The following FBXO34 variants were observed in gnomAD, a reference collection of about 807,000 sequenced individuals.
FBXO34 encodes F-box only protein 34.
In FBXO34, 12 loss-of-function variants were observed where a neutral mutation model predicts 24.5. That is an observed-to-expected ratio of 0.49 (90% CI 0.31 to 0.79). The LOEUF is 0.79. Among genes scored for constraint, FBXO34 ranks in the 30% least tolerant of loss-of-function variants. The pLI is 0.04. For synonymous variants in FBXO34, 320 were observed against 311.9 expected, an observed-to-expected ratio of 1.03 and a Z score of -0.27; for missense variants, 823 against 857.7, an observed-to-expected ratio of 0.96 and a Z score of 0.51.
At chr14:55,390,322 C>T in the FBXO34 span, among the ~76,000 whole-genome samples, 5 of 152,230 alleles carry the variant, frequency 3.3e-5, no homozygotes, top group South Asian at 2.1e-4. Flanking sequence ...CCACTCCCCT[C>T]GGCCTCCCAA....
intron 1 of FBXO34, among the ~76,000 whole-genome samples, chr14:55,307,380 A>C (rs1882588729): frequency 6.6e-6 from 1 of 152,240 alleles, no homozygotes; most frequent in Non-Finnish European, 1.5e-5. Context: ...GGAGGCAAGC[A>C]AAACAATGTG....
chr14:55,369,560 G>A, downstream of FBXO34: 3 of 1,364,264 alleles, frequency 2.2e-6, no homozygotes, highest in Non-Finnish European at 2.9e-6. Flanking sequence ...ATGTTTACTA[G>A]AGTGTAGTGG....
chr14:55,415,836 A>G, the FBXO34 span, among the ~76,000 whole-genome samples: 2 of 152,250 alleles, frequency 1.3e-5, no homozygotes, highest in Non-Finnish European at 2.9e-5. Flanking sequence ...ATTACACTCC[A>G]GCCTGGGCGA....
At chr14:55,296,383 T>TTTTTTTTG in intron 1 of FBXO34, among the ~76,000 whole-genome samples, 1 of 109,020 alleles carries the variant, frequency 9.2e-6, no homozygotes, top group Non-Finnish European at 2.0e-5. Context: ...TGTTCTTGTG[T>TTTTTTTTG]TTTTTTTGTT....
At chr14:55,375,055 C>T in the FBXO34 span, among the ~76,000 whole-genome samples, 1 of 152,236 alleles carries the variant, frequency 6.6e-6, no homozygotes, top group African/African-American at 2.4e-5. Context: ...TTTTGCAACA[C>T]TGAGCCTTCT....
the FBXO34 span, among the ~76,000 whole-genome samples, chr14:55,439,618 C>CT: frequency 0.15 from 8,807 of 60,298 alleles, 1,427 homozygotes; most frequent in Non-Finnish European, 0.18. Context: ...AAGCAAACCC[C>CT]CCCCCGTCTC....
chr14:55,278,120 A>G (rs1881405534), intron 1 of FBXO34, among the ~76,000 whole-genome samples: 1 of 151,992 alleles, frequency 6.6e-6, no homozygotes, highest in African/African-American at 2.4e-5. Context: ...TGTTCTCTGT[A>G]TCTTATGCAG....
the FBXO34 span, among the ~76,000 whole-genome samples, chr14:55,418,126 C>A: frequency 1.0e-3 from 157 of 152,268 alleles, 1 homozygote; most frequent in Non-Finnish European, 4.9e-4. Flanking sequence ...AGTCCAAGTA[C>A]ACATGGCTTA....
intron 1 of FBXO34, among the ~76,000 whole-genome samples, chr14:55,294,517 T>G (rs562613881): frequency 6.6e-5 from 10 of 152,160 alleles, no homozygotes; most frequent in African/African-American, 1.9e-4. Flanking sequence ...CCTCCCAGAG[T>G]GTTGGGATTA....
At chr14:55,286,586 G>A (rs768874411) in intron 1 of FBXO34, among the ~76,000 whole-genome samples, 1 of 152,166 alleles carries the variant, frequency 6.6e-6, no homozygotes, top group Non-Finnish European at 1.5e-5. Flanking sequence ...ACAGATAACT[G>A]TATTGGAAAG....
rs769033607 is a variant in FBXO34, at chr14:55,350,915, C to T, written c.525C>T (p.Tyr175=). The T allele has an allele frequency of 1.7e-5, 28 of 1,613,724 alleles. No individual in the cohort carries two copies. The highest frequency in any genetic ancestry group is 5.3e-5 in the African/African-American group (4 of 75,032). ...ERMREVNSRC[Y]QPEPFACGIE... Reference sequence around the variant, plus strand: ...TGAGGGAGGTTAACAGCAGGTGCTACCAACCTGAGCCTTTTGCATGTGGCA... The same window carrying T: ...TGAGGGAGGTTAACAGCAGGTGCTATCAACCTGAGCCTTTTGCATGTGGCA... Residue 175 remains tyrosine, a synonymous_variant, in exon 2 of 2, where the codon TAC becomes TAT. Transcript: ENST00000313833.
chr14:55,413,829 C>A, the FBXO34 span: 2 of 390,206 alleles, frequency 5.1e-6, no homozygotes, highest in East Asian at 6.1e-5. Flanking sequence ...AAATCTTGCC[C>A]TTGTTTACAA....
chr14:55,428,843 A>C, the FBXO34 span: 1 of 1,614,220 alleles, frequency 6.2e-7, no homozygotes, highest in Non-Finnish European at 8.5e-7. Context: ...CAAACCTTCC[A>C]GCCTGATGGG....
At chr14:55,417,706 C>A in the FBXO34 span, among the ~76,000 whole-genome samples, 2 of 152,204 alleles carry the variant, frequency 1.3e-5, no homozygotes, top group Non-Finnish European at 2.9e-5. Context: ...AAGTGATCTG[C>A]CCACCTTGGC....
At chr14:55,302,196 A>C (rs572557088) in intron 1 of FBXO34, among the ~76,000 whole-genome samples, 23 of 152,336 alleles carry the variant, frequency 1.5e-4, no homozygotes, top group Admixed American at 1.4e-3. Context: ...AAAACAGTTT[A>C]CTGATAGGAG....
chr14:55,409,006 C>T, the FBXO34 span, among the ~76,000 whole-genome samples: 1 of 152,164 alleles, frequency 6.6e-6, no homozygotes, highest in East Asian at 1.9e-4. Flanking sequence ...ATCTTATTTA[C>T]ATTTCTATTG....
intron 1 of FBXO34, among the ~76,000 whole-genome samples, chr14:55,307,884 G>A (rs550718781): frequency 6.6e-6 from 1 of 152,280 alleles, no homozygotes; most frequent in South Asian, 2.1e-4. Flanking sequence ...CAGAAATGGA[G>A]GATGAAATGG....
chr14:55,315,245 T>C (rs553438937), intron 1 of FBXO34, among the ~76,000 whole-genome samples: 35 of 152,384 alleles, frequency 2.3e-4, no homozygotes, highest in Non-Finnish European at 4.3e-4. Context: ...TTTACTTTTC[T>C]GTTAACTTCT....
At chr14:55,361,398 G>A (rs931457342) in intron 3 of FBXO34, among the ~76,000 whole-genome samples, 1 of 152,192 alleles carries the variant, frequency 6.6e-6, no homozygotes, top group African/African-American at 2.4e-5. Context: ...TGCTATGCAG[G>A]CTTTGTTGTT....
Sources: gnomAD v4.1 joint callset for allele counts (sites outside exome capture counted in the v4.1 genomes callset) on GRCh38, gnomAD v4.1.1 for gene constraint, MANE v1.5 for transcripts, NCBI Gene and HGNC (gene_info 2026-07-23, HGNC 2026-07-21) for gene names.